Variants in NDE1 observed in about 807,000 individuals in gnomAD.
NDE1 encodes the protein nudE neurodevelopment protein 1.
In NDE1, 28 loss-of-function variants were observed where a neutral mutation model predicts 43.4. The ratio of observed to expected loss-of-function variants is 0.65; its 90% CI spans 0.48 to 0.89. The LOEUF (loss-of-function observed/expected upper bound fraction) is 0.89, where lower values mean the gene tolerates loss of function less well. Among genes scored for constraint, NDE1 ranks in the 40% least tolerant of loss-of-function variants. The pLI, the probability that NDE1 is intolerant of heterozygous loss-of-function variation, is 0.00. For synonymous variants in NDE1, 184 were observed against 172.0 expected (o/e 1.07, Z -0.55); for missense variants, 441 against 434.1 (o/e 1.02, Z -0.14).
intron 3 of NDE1, among the ~76,000 whole-genome samples, chr16:15,674,475 C>T (rs2151472546): frequency 6.6e-6 from 1 of 152,196 alleles, no homozygotes; most frequent in South Asian, 2.1e-4. Context: ...TCTTGAACTC[C>T]TGACCTCAGG....
intron 8 of NDE1, chr16:15,708,870 T>C: frequency 6.2e-7 from 1 of 1,606,392 alleles, no homozygotes. Flanking sequence ...CCCCGGAGGT[T>C]ACCATCAGCA....
chr16:15,708,184 A>G (rs1205909115), intron 8 of NDE1, among the ~76,000 whole-genome samples: 2 of 152,160 alleles, frequency 1.3e-5, no homozygotes, highest in Non-Finnish European at 2.9e-5. Flanking sequence ...GTAGCTAGAC[A>G]TCACTCAAGC....
At chr16:15,712,344 C>T (rs11862654) in intron 8 of NDE1, among the ~76,000 whole-genome samples, 4,117 of 152,136 alleles carry the variant, frequency 0.027, 185 homozygotes, top group African/African-American at 0.095. Flanking sequence ...TCTCACCTAG[C>T]GCTGGGGAGA....
intron 3 of NDE1, among the ~76,000 whole-genome samples, chr16:15,676,036 G>C (rs1029525385): frequency 6.6e-6 from 1 of 152,008 alleles, no homozygotes; most frequent in African/African-American, 2.4e-5. Context: ...GCTGCAGCTG[G>C]CAACAGGGAA....
chr16:15,703,624 T>C (rs1443878197), intron 8 of NDE1: 7 of 402,666 alleles, frequency 1.7e-5, no homozygotes, highest in Non-Finnish European at 3.3e-5. Context: ...ACAGGGTCTC[T>C]GTTGCCCAGG....
chr16:15,682,052 A>AT (rs1567643719), intron 4 of NDE1, among the ~76,000 whole-genome samples: 1 of 152,062 alleles, frequency 6.6e-6, no homozygotes, highest in Non-Finnish European at 1.5e-5. Context: ...TTTCTTTTCT[A>AT]TTTTTATTTT....
intron 8 of NDE1, chr16:15,719,364 G>A: frequency 6.3e-7 from 1 of 1,578,134 alleles, no homozygotes; most frequent in Non-Finnish European, 8.6e-7. Context: ...GCCCCACCAA[G>A]AGTCCACCCT....
chr16:15,687,488 A>T lies in NDE1; in HGVS notation c.500A>T (p.Gln167Leu), dbSNP rs759094446. 4 of 1,614,034 alleles carry T rather than the reference A, an allele frequency of 2.5e-6. No homozygotes were observed. Among genetic ancestry groups the T allele is most frequent in the Non-Finnish European group, 3.4e-6 (4 of 1,180,030 alleles). Residue 167 changes from glutamine (Q) to leucine (L), a missense_variant, in exon 5 of 9, where the codon CAG becomes CTG. Coordinates refer to ENST00000396354, the MANE Select transcript of NDE1 (RefSeq NM_017668.3). Reference protein sequence around the residue: ...DEKENLLESVQRLKDEARDLR... With the variant: ...DEKENLLESVLRLKDEARDLR... ...AAAGAGAATCTCCTGGAATCTGTTC[A>T]GAGACTGAAGGATGAAGCCAGAGGT...
At position 15,677,694 on chromosome 16, in the gene NDE1, CCA is replaced by C. The variant is rs2037957340; in HGVS notation, c.238-106_238-105del. ...TAACTCCTGGGCTCAGGCAGTCCTCCCAGTTTAGCCTCCCGAGTAGCTGTGAC... is the reference window on the plus strand; with the variant it reads ...TAACTCCTGGGCTCAGGCAGTCCTCCGTTTAGCCTCCCGAGTAGCTGTGAC... On this transcript the variant is annotated intron_variant, in intron 3 of 8. Coordinates refer to ENST00000396354, the MANE Select transcript of NDE1 (RefSeq NM_017668.3). The C allele has an allele frequency of 2.6e-5, 33 of 1,273,584 alleles. No homozygotes were observed. The South Asian group carries it at 3.9e-4, about 15-fold the overall frequency. 78.9% of individuals were successfully genotyped at this position (1,273,584 alleles called of 1,614,324 possible).
intron 7 of NDE1, chr16:15,695,755 G>T (rs907194028): frequency 2.1e-6 from 2 of 967,798 alleles, no homozygotes; most frequent in Non-Finnish European, 2.5e-6. Flanking sequence ...GTTTTTGGCT[G>T]TCTGGTTTGC....
intron 3 of NDE1, among the ~76,000 whole-genome samples, chr16:15,676,897 CTG>C (rs1292273549): frequency 6.6e-6 from 1 of 152,140 alleles, no homozygotes; most frequent in African/African-American, 2.4e-5. Flanking sequence ...TTGTAATACA[CTG>C]ATGATATGTG....
rs60544332 is a variant in NDE1, at chr16:15,725,134, T to TAA, written c.*897_*898dup. The TAA allele has an allele frequency of 3.3e-3, 1,744 of 533,754 alleles. No homozygotes were observed. The highest frequency in any genetic ancestry group is 7.2e-3 in the South Asian group (333 of 46,238). The allele number at this position is 533,754 out of a possible 1,614,324, so 33.1% of individuals were successfully genotyped here. On this transcript the variant is annotated 3_prime_UTR_variant, in exon 9 of 9. Transcript: ENST00000396354. ...ATACCCGTGAGGTATGGGACTCTGA[T>TAA]AAAAAAAAAAAAAAACACACACACA...
intron 8 of NDE1, among the ~76,000 whole-genome samples, chr16:15,709,713 G>C (rs2039671134): frequency 6.6e-6 from 1 of 152,210 alleles, no homozygotes; most frequent in South Asian, 2.1e-4. Context: ...GGAAGTAAAA[G>C]CATTTGAGCA....
At chr16:15,704,346 ATTGGTTGCGGGGGT>A (rs1259384301) in intron 8 of NDE1, among the ~76,000 whole-genome samples, 1 of 152,136 alleles carries the variant, frequency 6.6e-6, no homozygotes, top group Non-Finnish European at 1.5e-5. Context: ...ATCAGCTGAA[ATTGGTTGCGGGGGT>A]GGGTGGAGAA....
chr16:15,721,818 G>T, intron 8 of NDE1: 1 of 646,696 alleles, frequency 1.5e-6, no homozygotes, highest in Non-Finnish European at 2.7e-6. Context: ...TCAACCTTAT[G>T]CAGAGCCAGA....
Position 15,664,727 on chromosome 16 carries a change from C to G in NDE1, c.-43-9C>G, listed in dbSNP as rs376738414. 8.2e-6 allele frequency: 11 copies of G among 1,339,432 alleles called. No individual in the cohort carries two copies. 83.0% of individuals were successfully genotyped at this position (1,339,432 alleles called of 1,614,324 possible). A position where few individuals can be genotyped will look rare whatever the true frequency, so the allele number is the denominator to read the frequency against. ...ATGTGGGTAATCATTTTGAAACCTT[C>G]TCTCCTAGACACCATGCCACAAGGA... On this transcript the variant is annotated splice_polypyrimidine_tract_variant and intron_variant, in intron 1 of 8. Transcript: ENST00000396354.
intron 6 of NDE1, among the ~76,000 whole-genome samples, chr16:15,692,799 C>A (rs1334569393): frequency 6.6e-6 from 1 of 150,908 alleles, no homozygotes; most frequent in Non-Finnish European, 1.5e-5. Context: ...TGCAGTGGTG[C>A]AATCATAGCT....
chr16:15,724,650 G>C lies in NDE1; in HGVS notation c.*399G>C, dbSNP rs753720387. 3.1e-6 allele frequency: 5 copies of C among 1,614,066 alleles called. 1 individual carries two copies. Among genetic ancestry groups the C allele is most frequent in the Middle Eastern group, 3.4e-4 (2 of 5,960 alleles). On this transcript the variant is annotated 3_prime_UTR_variant, in exon 9 of 9. Transcript: ENST00000396354. Reference sequence around the variant, plus strand: ...AGCAAGGACACGGGGCAGGCACCTGGATGTTGAGAGTGGAGATGTGGCGCT... The same window carrying C: ...AGCAAGGACACGGGGCAGGCACCTGCATGTTGAGAGTGGAGATGTGGCGCT...
At chr16:15,716,142 T>G (rs2040120396) in intron 8 of NDE1, among the ~76,000 whole-genome samples, 1 of 151,950 alleles carries the variant, frequency 6.6e-6, no homozygotes, top group Non-Finnish European at 1.5e-5. Flanking sequence ...CTGCCCAGAC[T>G]GGTCTCGAAC....
Sources: gnomAD v4.1 joint callset for allele counts (sites outside exome capture counted in the v4.1 genomes callset) on GRCh38, gnomAD v4.1.1 for gene constraint, MANE v1.5 for transcripts, NCBI Gene and HGNC (gene_info 2026-07-23, HGNC 2026-07-21) for gene names.